HECTD4: variants seen among roughly 807,000 people sequenced by gnomAD.
The protein encoded by HECTD4 is probable E3 ubiquitin-protein ligase HECTD4.
Under a neutral mutation model 471.5 loss-of-function variants are expected in HECTD4, and 114 were observed. The ratio of observed to expected loss-of-function variants is 0.24; its 90% CI spans 0.21 to 0.28. The LOEUF is 0.28. Among genes scored for constraint, HECTD4 ranks in the 10% least tolerant of loss-of-function variants. The pLI, the probability that HECTD4 is intolerant of heterozygous loss-of-function variation, is 1.00. For missense variants in HECTD4, 3,866 were observed against 5,651.5 expected, an observed-to-expected ratio of 0.68 and a Z score of 10.13; for synonymous variants, 2,012 against 2,256.0, an observed-to-expected ratio of 0.89 and a Z score of 3.07.
At chr12:112,379,331 T>C (rs1264703335) in intron 1 of HECTD4, among the ~76,000 whole-genome samples, 1 of 152,232 alleles carries the variant, frequency 6.6e-6, no homozygotes. Context: ...TTTCCAATTG[T>C]TAGGCTCTTT....
At chr12:112,311,203 A>G (rs1348373314) in intron 4 of HECTD4, among the ~76,000 whole-genome samples, 1 of 152,050 alleles carries the variant, frequency 6.6e-6, no homozygotes, top group African/African-American at 2.4e-5. Flanking sequence ...CAGAGGTTGC[A>G]GTGAGCCAAG....
chr12:112,296,562 G>T (rs535981134), intron 7 of HECTD4, among the ~76,000 whole-genome samples: 4 of 151,126 alleles, frequency 2.6e-5, no homozygotes, highest in African/African-American at 9.7e-5. Context: ...GGTGCAAAGG[G>T]TGTAAGTACA....
At position 112,213,490 on chromosome 12, in the gene HECTD4, T is replaced by A. The variant is rs2032823863; in HGVS notation, c.7466-840A>T. Among the ~76,000 whole-genome samples the A allele has an allele frequency of 6.7e-6, 1 of 149,022 alleles. No homozygotes were observed. The highest frequency in any genetic ancestry group is 1.5e-5 in the Non-Finnish European group (1 of 67,406). On this transcript the variant is annotated intron_variant, in intron 48 of 75. Transcript: ENST00000682272. This position sits in a 1 kb window ranked among gnomAD's most constrained non-coding sequence, Gnocchi z 4.0. ...TCACAAGGTCAGGAGATCGAGTCCA[T>A]CCTGGCTAACACGGTGAAACCCTGT...
intron 4 of HECTD4, among the ~76,000 whole-genome samples, chr12:112,310,124 C>T (rs1355329214): frequency 6.6e-6 from 1 of 152,158 alleles, no homozygotes; most frequent in Non-Finnish European, 1.5e-5. Flanking sequence ...TCAGTTTCTT[C>T]ATCTGTAAGA....
At position 112,169,861 on chromosome 12, in the gene HECTD4, C is replaced by T. The variant is rs774835001; in HGVS notation, c.12053-203G>A. ...TCATGGCTCCCACTTTTGGAACCTG[C>T]CCTCCTGGGCCCCCAGTGCTTGGCC... On this transcript the variant is annotated intron_variant, in intron 69 of 75. Coordinates refer to ENST00000682272, the MANE Select transcript of HECTD4 (RefSeq NM_001388303.1). 6.4e-6 allele frequency: 4 copies of T among 629,872 alleles called. No homozygotes were observed. The Middle Eastern group carries it at 7.6e-4, about 119-fold the overall frequency. 39.0% of individuals were successfully genotyped at this position (629,872 alleles called of 1,614,324 possible).
At chr12:112,300,321 A>G (rs966013720) in intron 7 of HECTD4, among the ~76,000 whole-genome samples, 2 of 151,796 alleles carry the variant, frequency 1.3e-5, no homozygotes, top group African/African-American at 4.8e-5. Context: ...AAAAAAAAAA[A>G]AAGAAAGAAA....
At chr12:112,292,355 G>C (rs1176461027) in intron 7 of HECTD4, among the ~76,000 whole-genome samples, 3 of 152,074 alleles carry the variant, frequency 2.0e-5, no homozygotes, top group Non-Finnish European at 4.4e-5. Context: ...AGGCTCCCCT[G>C]ATCATTACCT....
At chr12:112,325,795 CAT>C (rs755198552) in intron 1 of HECTD4, among the ~76,000 whole-genome samples, 3 of 151,304 alleles carry the variant, frequency 2.0e-5, no homozygotes, top group Non-Finnish European at 4.4e-5. Context: ...TCACACATAA[CAT>C]ATGTGTTTTG....
chr12:112,374,710 T>C (rs1010970558), intron 1 of HECTD4, among the ~76,000 whole-genome samples: 1 of 152,224 alleles, frequency 6.6e-6, no homozygotes, highest in African/African-American at 2.4e-5. Flanking sequence ...AAAGGATATA[T>C]AGGCTAGCAG....
chr12:112,240,031 T>C lies in HECTD4; in HGVS notation c.4959-4A>G. 1 of 1,613,276 alleles carries C rather than the reference T, an allele frequency of 6.2e-7. No homozygotes were observed. Among genetic ancestry groups the C allele is most frequent in the Non-Finnish European group, 8.5e-7 (1 of 1,179,488 alleles). On this transcript the variant is annotated splice_region_variant and splice_polypyrimidine_tract_variant and intron_variant, in intron 32 of 75. Transcript: ENST00000682272. The stretch of plus-strand genomic sequence containing the variant: ...ACCACATGTGAGTTCTTCAATTCTG[T>C]GAAAGAGAAACCAAAGCTCAGGCTT...
rs1380945200 is a variant in HECTD4 at position 112,194,942 on chromosome 12, T to C, written c.8692A>G (p.Ile2898Val). The part of the protein sequence containing the change: ...RLFHIPAIRD[I>V]TLEHLQLLSN... ...AGCAGTTGCAGGTGCTCCAGGGTAATGTCCCGGATGGCAGGGATGTGGAAG... is the reference window on the plus strand; with the variant it reads ...AGCAGTTGCAGGTGCTCCAGGGTAACGTCCCGGATGGCAGGGATGTGGAAG... The change falls in exon 56 of 76, where the codon ATT becomes GTT. Residue 2898 changes from isoleucine (I) to valine (V), a missense_variant. Coordinates refer to ENST00000682272, the MANE Select transcript of HECTD4 (RefSeq NM_001388303.1). This position sits in a 1 kb window ranked among gnomAD's most constrained non-coding sequence, Gnocchi z 4.6. The C allele has an allele frequency of 6.2e-7, 1 of 1,610,040 alleles. No individual in the cohort carries two copies. Among genetic ancestry groups the C allele is most frequent in the Non-Finnish European group, 8.5e-7 (1 of 1,178,382 alleles).
At position 112,381,687 on chromosome 12, in the gene HECTD4, A is replaced by G. The variant is rs531027932; in HGVS notation, c.177+265T>C. Among the ~76,000 whole-genome samples, 2 of 152,188 alleles carry G rather than the reference A, an allele frequency of 1.3e-5. No individual in the cohort carries two copies. The highest frequency in any genetic ancestry group is 1.3e-4 in the Admixed American group (2 of 15,292). ...CCGAGCCAGGCGCTAGCCTAATAAA[A>G]TGCCGGGTGTCGGAACGCTCAAAAG... On this transcript the variant is annotated intron_variant, in intron 1 of 75. Transcript: ENST00000682272. This position sits in a 1 kb window ranked among gnomAD's most constrained non-coding sequence, Gnocchi z 4.1.
rs974897950 is a variant in HECTD4 at position 112,231,603 on chromosome 12, T to G, written c.6110A>C (p.Asn2037Thr). ...VSIGPPVESI[N>T]PETVSGLSTG... ...GGATAGTCCACTCACAGTCTCTGGG[T>G]TGATAGACTCTACAGGTGGCCCAAT... is the stretch of plus-strand genomic sequence containing the variant. The change falls in exon 39 of 76, where the codon AAC becomes ACC. Residue 2037 changes from asparagine to threonine, a missense_variant. Physicochemically the swap from Asn to Thr is moderately conservative, Grantham distance 65. Coordinates refer to ENST00000682272, the MANE Select transcript of HECTD4 (RefSeq NM_001388303.1). 6.2e-7 allele frequency: 1 copy of G among 1,613,982 alleles called. No homozygotes were observed. The highest frequency in any genetic ancestry group is 8.5e-7 in the Non-Finnish European group (1 of 1,179,868).
chr12:112,342,869 G>C lies in HECTD4; in HGVS notation c.178-23127C>G, dbSNP rs1188112099. Among the ~76,000 whole-genome samples the C allele has an allele frequency of 2.0e-5, 3 of 152,064 alleles. No homozygotes were observed. In the East Asian group the frequency reaches 5.8e-4, roughly 29 times the overall value. ...TTTCACCAAAGAAATCCTTTCCCTA[G>C]TAAGCAATGTAACAGTTAAAATGAA... is the stretch of plus-strand genomic sequence containing the variant. On this transcript the variant is annotated intron_variant, in intron 1 of 75. Coordinates refer to ENST00000682272, the MANE Select transcript of HECTD4 (RefSeq NM_001388303.1).
chr12:112,242,513 T>G (rs1282332749), intron 32 of HECTD4, among the ~76,000 whole-genome samples: 1 of 150,996 alleles, frequency 6.6e-6, no homozygotes. Flanking sequence ...CTTGGGAGGC[T>G]GAGGTGGGAA....
rs1276941378 is a variant in HECTD4 at position 112,247,532 on chromosome 12, C to G, written c.4267G>C (p.Glu1423Gln). Residue 1423 changes from glutamate to glutamine, a missense_variant, in exon 28 of 76, where the codon GAA becomes CAA. This residue lies in a region of HECTD4 where 281 missense variants were observed against 499.9 expected (regional missense o/e 0.56). Coordinates refer to ENST00000682272, the MANE Select transcript of HECTD4 (RefSeq NM_001388303.1). ...HFNENKMKEL[E>Q]LLCSMKEVSF... ...ACTTCCTTCATTGAACATAAAAGTT[C>G]TAGTTCTTTCATTTTGTTCTAAAGA... is the stretch of plus-strand genomic sequence containing the variant. 6.6e-7 allele frequency: 1 copy of G among 1,514,690 alleles called. No homozygotes were observed. The highest frequency in any genetic ancestry group is 8.9e-7 in the Non-Finnish European group (1 of 1,125,508). 93.8% of individuals were successfully genotyped at this position (1,514,690 alleles called of 1,614,324 possible).
chr12:112,247,425 G>T, intron 28 of HECTD4, 37 bp downstream of exon 28: 1 of 994,952 alleles, frequency 1.0e-6, no homozygotes, highest in South Asian at 1.7e-5. Flanking sequence ...TGAGCATCAA[G>T]GTGATAATAG....
At chr12:112,198,844 G>A (rs749124927) in intron 55 of HECTD4, among the ~76,000 whole-genome samples, 25 of 152,062 alleles carry the variant, frequency 1.6e-4, no homozygotes, top group African/African-American at 3.1e-4. Context: ...AAAGAATGTC[G>A]GCAACATCAC....
chr12:112,290,271 G>C (rs574216850), intron 7 of HECTD4, among the ~76,000 whole-genome samples: 2 of 151,918 alleles, frequency 1.3e-5, no homozygotes, highest in Non-Finnish European at 2.9e-5. Context: ...AGTAAGCCGT[G>C]ATCATACCAC....
Sources: gnomAD v4.1 joint callset for allele counts (sites outside exome capture counted in the v4.1 genomes callset) on GRCh38, gnomAD v4.1.1 for gene constraint, gnomAD v4.1.1 regional missense constraint, Gnocchi (gnomAD v3.1) non-coding constraint, MANE v1.5 for transcripts, NCBI Gene and HGNC (gene_info 2026-07-23, HGNC 2026-07-21) for gene names.